The following AGPAT3 variants were observed in gnomAD, a reference collection of about 807,000 sequenced individuals.
The protein encoded by AGPAT3 is 1-acyl-sn-glycerol-3-phosphate acyltransferase gamma.
Under a neutral mutation model 47.3 loss-of-function variants are expected in AGPAT3, and 5 were observed. The ratio of observed to expected loss-of-function variants is 0.11; its 90% confidence interval spans 0.06 to 0.22. AGPAT3 has a LOEUF of 0.22. Among genes scored for constraint, AGPAT3 ranks in the 10% least tolerant of loss-of-function variants. The pLI is 1.00. For missense variants in AGPAT3, 315 were observed against 493.0 expected (o/e 0.64, Z 3.42); for synonymous variants, 212 against 208.3 (o/e 1.02, Z -0.15).
rs1412260546 is a variant in AGPAT3 at position 43,939,966 on chromosome 21, G to C, written c.-48-19668G>C. ...CAGCTGTGCGCAGGAGGACGAACCT[G>C]TGTGTATGTCCTGCTTCAGCGCGCT... On this transcript the variant is annotated intron_variant, in intron 2 of 9. Coordinates refer to ENST00000291572, the MANE Select transcript of AGPAT3 (RefSeq NM_020132.5). The surrounding 1 kb of genome is among the most constrained non-coding windows in gnomAD (Gnocchi z 4.4). Among the ~76,000 whole-genome samples, 2 of 152,248 alleles carry C rather than the reference G, an allele frequency of 1.3e-5. No homozygotes were observed. Among genetic ancestry groups the C allele is most frequent in the African/African-American group, 4.8e-5 (2 of 41,466 alleles).
chr21:43,866,161 A>G (rs1601171128), intron 1 of AGPAT3, among the ~76,000 whole-genome samples: 1 of 145,768 alleles, frequency 6.9e-6, no homozygotes, highest in African/African-American at 2.5e-5. Flanking sequence ...GTTTAGTGAC[A>G]TGGGGAAAAT....
At chr21:43,891,142 G>C (rs532866254) in intron 1 of AGPAT3, among the ~76,000 whole-genome samples, 1 of 152,216 alleles carries the variant, frequency 6.6e-6, no homozygotes, top group Non-Finnish European at 1.5e-5. Context: ...TCTGTAGCAC[G>C]TGATGTCATT....
intron 1 of AGPAT3, among the ~76,000 whole-genome samples, chr21:43,866,346 T>A (rs1208689284): frequency 6.6e-6 from 1 of 150,808 alleles, no homozygotes; most frequent in African/African-American, 2.4e-5. Flanking sequence ...CGGCTCTTAT[T>A]AAAAATGAAA....
At chr21:43,977,427 C>T (rs1435257575) in intron 7 of AGPAT3, among the ~76,000 whole-genome samples, 3 of 152,230 alleles carry the variant, frequency 2.0e-5, no homozygotes, top group Non-Finnish European at 4.4e-5. Flanking sequence ...AGGGGCGTGG[C>T]CTGCCCGGTT....
At chr21:43,937,761 G>A (rs1429811685) in intron 2 of AGPAT3, among the ~76,000 whole-genome samples, 2 of 152,060 alleles carry the variant, frequency 1.3e-5, no homozygotes, top group Non-Finnish European at 2.9e-5. Context: ...TTTTGTCAGG[G>A]GCTGAAACCT....
At chr21:43,929,840 A>G (rs2087180887) in intron 2 of AGPAT3, among the ~76,000 whole-genome samples, 1 of 152,228 alleles carries the variant, frequency 6.6e-6, no homozygotes, top group South Asian at 2.1e-4. Flanking sequence ...GCCTGGGGAC[A>G]GCTCCCGCCT....
At chr21:43,919,229 T>C (rs564708388) in intron 2 of AGPAT3, among the ~76,000 whole-genome samples, 1 of 151,728 alleles carries the variant, frequency 6.6e-6, no homozygotes, top group South Asian at 2.1e-4. Context: ...ACAGGTTCTT[T>C]AGTGGCGAAT....
At chr21:43,894,213 C>T (rs1183564380) in intron 1 of AGPAT3, among the ~76,000 whole-genome samples, 1 of 133,614 alleles carries the variant, frequency 7.5e-6, no homozygotes, top group African/African-American at 2.6e-5. Context: ...TTCTTTCTTT[C>T]TTTCTTTTTT....
rs187756392 is a variant in AGPAT3, at chr21:43,944,055, A to G, written c.-48-15579A>G. Among the ~76,000 whole-genome samples, 424 of 152,278 alleles carry G rather than the reference A, an allele frequency of 2.8e-3. 3 individuals are homozygous for G. Among genetic ancestry groups the G allele is most frequent in the African/African-American group, 9.5e-3 (394 of 41,552 alleles). ...TCCTGGGCCCCCTCAGGACAGCAGCATCCACTTCAGGCGCCGCCTCTCTAA... is the reference window on the plus strand; with the variant it reads ...TCCTGGGCCCCCTCAGGACAGCAGCGTCCACTTCAGGCGCCGCCTCTCTAA... On this transcript the variant is annotated intron_variant, in intron 2 of 9. Coordinates refer to ENST00000291572, the MANE Select transcript of AGPAT3 (RefSeq NM_020132.5).
intron 2 of AGPAT3, among the ~76,000 whole-genome samples, chr21:43,949,675 C>T (rs1048290755): frequency 5.9e-5 from 9 of 152,230 alleles, no homozygotes; most frequent in African/African-American, 1.9e-4. Context: ...AGCCTGGTCA[C>T]ACGGGGTTTT....
At chr21:43,924,153 A>ACAG (rs2086979360) in intron 2 of AGPAT3, among the ~76,000 whole-genome samples, 1 of 150,796 alleles carries the variant, frequency 6.6e-6, no homozygotes, top group Non-Finnish European at 1.5e-5. Flanking sequence ...AGCTGGGACT[A>ACAG]CAGGTGCCCG....
At position 43,939,937 on chromosome 21, in the gene AGPAT3, C is replaced by T. The variant is rs2087600252; in HGVS notation, c.-48-19697C>T. On this transcript the variant is annotated intron_variant, in intron 2 of 9. Coordinates refer to ENST00000291572, the MANE Select transcript of AGPAT3 (RefSeq NM_020132.5). The surrounding 1 kb of genome is among the most constrained non-coding windows in gnomAD (Gnocchi z 4.4). ...ATTAGCCGGTGCCCCGACGGCAGAG[C>T]CCGCAGCTGTGCGCAGGAGGACGAA... Among the ~76,000 whole-genome samples, 1 of 152,242 alleles carries T rather than the reference C, an allele frequency of 6.6e-6. No homozygotes were observed. Among genetic ancestry groups the T allele is most frequent in the Admixed American group, 6.5e-5 (1 of 15,286 alleles).
chr21:43,909,264 G>A (rs780829659), intron 2 of AGPAT3, among the ~76,000 whole-genome samples: 1 of 151,474 alleles, frequency 6.6e-6, no homozygotes, highest in Admixed American at 6.6e-5. Flanking sequence ...TGGACTGGCC[G>A]GCGGTGGGCC....
chr21:43,957,919 C>T (rs994848064), intron 2 of AGPAT3, among the ~76,000 whole-genome samples: 10 of 152,170 alleles, frequency 6.6e-5, no homozygotes, highest in African/African-American at 2.4e-4. Context: ...AACTGTGAGA[C>T]GTGCGTAGAA....
At chr21:43,961,015 C>T (rs375955201) in intron 3 of AGPAT3, among the ~76,000 whole-genome samples, 4 of 152,044 alleles carry the variant, frequency 2.6e-5, no homozygotes, top group Admixed American at 2.0e-4. Flanking sequence ...TGGTACACAC[C>T]TGTAATCCCA....
At position 43,945,385 on chromosome 21, in the gene AGPAT3, C is replaced by T. The variant is rs138083675; in HGVS notation, c.-48-14249C>T. 5.3e-5 allele frequency among the ~76,000 whole-genome samples: 8 copies of T among 152,346 alleles called. No individual in the cohort carries two copies. The East Asian group carries it at 1.5e-3, about 29-fold the overall frequency. ...GCACATTGGGGAGCATTTTCATTCA[C>T]ATTACACATTTCATTTCACTTCACG... On this transcript the variant is annotated intron_variant, in intron 2 of 9. Coordinates refer to ENST00000291572, the MANE Select transcript of AGPAT3 (RefSeq NM_020132.5).
rs527624886 is a variant in AGPAT3, at chr21:43,895,351, C to T, written c.-111-8606C>T. Among the ~76,000 whole-genome samples, 46 of 151,960 alleles carry T rather than the reference C, an allele frequency of 3.0e-4. No homozygotes were observed. The East Asian group carries it at 6.2e-3, about 20-fold the overall frequency. The stretch of plus-strand genomic sequence containing the variant: ...CTCTAACTCCTGAGCTCAGGCAGTC[C>T]GCCCGCCTTGGCCTCCCAAAGTGCT... On this transcript the variant is annotated intron_variant, in intron 1 of 9. Transcript: ENST00000291572.
intron 2 of AGPAT3, among the ~76,000 whole-genome samples, chr21:43,927,103 A>G (rs923147044): frequency 2.6e-5 from 4 of 152,076 alleles, no homozygotes; most frequent in African/African-American, 7.2e-5. Context: ...CCACCAGCCA[A>G]TACCAGATTT....
Position 43,970,947 on chromosome 21 carries a change from C to T in AGPAT3, c.664+141C>T, listed in dbSNP as rs529889156. On this transcript the variant is annotated intron_variant, in intron 6 of 9. Coordinates refer to ENST00000291572, the MANE Select transcript of AGPAT3 (RefSeq NM_020132.5). This position sits in a 1 kb window ranked among gnomAD's most constrained non-coding sequence, Gnocchi z 5.8. ...AAAAGGAATCAAGTGAGGGGGTCGG[C>T]GCCGCAAGGTTCCCGCGTCAGGTTT... 48 of 966,540 alleles carry T rather than the reference C, an allele frequency of 5.0e-5. No individual in the cohort carries two copies. Among genetic ancestry groups the T allele is most frequent in the Non-Finnish European group, 5.6e-5 (40 of 710,720 alleles). The allele number at this position is 966,540 out of a possible 1,614,324, so 59.9% of individuals were successfully genotyped here.
Sources: allele counts gnomAD v4.1 joint callset (sites outside exome capture counted in the v4.1 genomes callset), GRCh38; gene constraint gnomAD v4.1.1; non-coding constraint Gnocchi (gnomAD v3.1); transcripts MANE v1.5; gene names NCBI Gene and HGNC (gene_info 2026-07-23, HGNC 2026-07-21).